The following MAGI2 variants were observed in gnomAD, a reference collection of about 807,000 sequenced individuals.
The protein encoded by MAGI2 is membrane associated guanylate kinase, WW and PDZ domain containing 2.
In MAGI2, 35 loss-of-function variants were observed where a neutral mutation model predicts 133.3. The observed-to-expected ratio is 0.26, with a 90% CI of 0.20 to 0.35. The LOEUF (loss-of-function observed/expected upper bound fraction) is 0.35, where lower values mean the gene tolerates loss of function less well. Among genes scored for constraint, MAGI2 ranks in the 10% least tolerant of loss-of-function variants. MAGI2 has a pLI of 1.00. For synonymous variants in MAGI2, 729 were observed against 710.6 expected, an observed-to-expected ratio of 1.03 and a Z score of -0.41; for missense variants, 1,636 against 1,863.4, an observed-to-expected ratio of 0.88 and a Z score of 2.25.
At chr7:78,349,249 T>C (rs566506569) in intron 7 of MAGI2, among the ~76,000 whole-genome samples, 1 of 152,354 alleles carries the variant, frequency 6.6e-6, no homozygotes, top group South Asian at 2.1e-4. Context: ...ATAGCTTTTC[T>C]TGTTAAATGA....
At chr7:78,638,931 A>C (rs963809083) in intron 2 of MAGI2, among the ~76,000 whole-genome samples, 4 of 152,190 alleles carry the variant, frequency 2.6e-5, no homozygotes, top group African/African-American at 9.6e-5. Context: ...GCTTAAGGAA[A>C]AGAAAGATCA....
At chr7:79,055,283 G>GT (rs1426765415) in intron 1 of MAGI2, among the ~76,000 whole-genome samples, 1 of 113,850 alleles carries the variant, frequency 8.8e-6, no homozygotes, top group Non-Finnish European at 1.7e-5. Context: ...GTAAGGGCAT[G>GT]CCTTTTTTTT....
intron 10 of MAGI2, among the ~76,000 whole-genome samples, chr7:78,204,721 GTATT>G (rs1271929028): frequency 6.6e-6 from 1 of 152,024 alleles, no homozygotes; most frequent in African/African-American, 2.4e-5. Context: ...AAATGCAAAT[GTATT>G]TATTTAATCT....
chr7:79,341,213 T>G (rs1449930709), intron 1 of MAGI2, among the ~76,000 whole-genome samples: 1 of 152,132 alleles, frequency 6.6e-6, no homozygotes, highest in Non-Finnish European at 1.5e-5. Flanking sequence ...GCAGTAATAC[T>G]CAGTGGAAAT....
At chr7:78,463,144 T>A (rs1790242100) in intron 6 of MAGI2, among the ~76,000 whole-genome samples, 1 of 152,204 alleles carries the variant, frequency 6.6e-6, no homozygotes, top group South Asian at 2.1e-4. Flanking sequence ...GCCTGTGGTG[T>A]GCTCTGAAAG....
chr7:79,326,938 G>A (rs1476346532), intron 1 of MAGI2, among the ~76,000 whole-genome samples: 2 of 152,164 alleles, frequency 1.3e-5, no homozygotes, highest in Non-Finnish European at 2.9e-5. Context: ...TCTGAGAGAA[G>A]ACGAAAGAAG....
At chr7:78,085,028 A>G (rs1368978222) in intron 20 of MAGI2, among the ~76,000 whole-genome samples, 1 of 152,174 alleles carries the variant, frequency 6.6e-6, no homozygotes, top group East Asian at 1.9e-4. Context: ...GGCTTTTGTT[A>G]TAAACTGTTA....
intron 3 of MAGI2, among the ~76,000 whole-genome samples, chr7:78,582,052 G>T (rs1802890996): frequency 1.3e-5 from 2 of 152,178 alleles, no homozygotes; most frequent in Non-Finnish European, 2.9e-5. Flanking sequence ...CAGAAAAGGG[G>T]TAAGGGGATG....
chr7:78,758,045 C>T (rs979811161), intron 2 of MAGI2, among the ~76,000 whole-genome samples: 1 of 152,152 alleles, frequency 6.6e-6, no homozygotes, highest in Non-Finnish European at 1.5e-5. Context: ...CTTCTCTTAA[C>T]ACTTGACTTA....
intron 1 of MAGI2, among the ~76,000 whole-genome samples, chr7:79,309,192 C>T (rs1271515052): frequency 6.6e-6 from 1 of 151,720 alleles, no homozygotes; most frequent in African/African-American, 2.4e-5. Context: ...TCTCTTTTAC[C>T]TAACAGTCTC....
chr7:78,745,119 ACTAT>A (rs995753772), intron 2 of MAGI2, among the ~76,000 whole-genome samples: 2 of 152,140 alleles, frequency 1.3e-5, no homozygotes, highest in African/African-American at 4.8e-5. Flanking sequence ...TACAACCCAG[ACTAT>A]CTGACTCCAG....
intron 9 of MAGI2, among the ~76,000 whole-genome samples, chr7:78,272,631 G>T (rs534503192): frequency 6.6e-6 from 1 of 152,014 alleles, no homozygotes; most frequent in East Asian, 1.9e-4. Flanking sequence ...CTCCTGTATC[G>T]GGTGCACATA....
At chr7:79,121,288 G>C (rs953036176) in intron 1 of MAGI2, among the ~76,000 whole-genome samples, 1 of 152,134 alleles carries the variant, frequency 6.6e-6, no homozygotes, top group African/African-American at 2.4e-5. Context: ...AACCCATTCA[G>C]TGAACTTTTG....
At chr7:78,509,397 G>A (rs6968852) in intron 4 of MAGI2, 19,894 of 152,022 alleles carry the variant, frequency 0.13, 1,427 homozygotes, top group Non-Finnish European at 0.14. Flanking sequence ...CTTTCATCTT[G>A]CCTGCCCTGA....
intron 1 of MAGI2, among the ~76,000 whole-genome samples, chr7:79,367,862 T>TGC (rs1842810271): frequency 9.6e-6 from 1 of 104,634 alleles, no homozygotes; most frequent in Non-Finnish European, 1.9e-5. Flanking sequence ...ATGTGACATA[T>TGC]ATATATATAT....
intron 2 of MAGI2, among the ~76,000 whole-genome samples, chr7:78,727,870 T>A (rs1820973285): frequency 6.6e-6 from 1 of 152,154 alleles, no homozygotes; most frequent in Admixed American, 6.5e-5. Context: ...GGGATACAGC[T>A]GAGAACAAAA....
intron 9 of MAGI2, 48 bp downstream of exon 9, chr7:78,343,730 G>GA (rs1012531239): frequency 2.2e-6 from 3 of 1,372,814 alleles, no homozygotes; most frequent in Non-Finnish European, 1.9e-6. Flanking sequence ...TTTGCCTTCA[G>GA]AAAAAAAGAT....
rs1167091480 is a variant in MAGI2 at position 79,255,145 on chromosome 7, ATACT to A, written c.301+197871_301+197874del. Among the ~76,000 whole-genome samples the A allele has an allele frequency of 4.6e-5, 7 of 152,304 alleles. No individual in the cohort carries two copies. The East Asian group carries it at 1.2e-3, about 25-fold the overall frequency. On this transcript the variant is annotated intron_variant, in intron 1 of 21. Transcript: ENST00000354212. ...ATAAACTTGTGATACTTTCATTATT[ATACT>A]TACTTACAAACACCCATATCCCATG... is the stretch of plus-strand genomic sequence containing the variant.
chr7:78,926,413 T>G (rs924597141), intron 2 of MAGI2, among the ~76,000 whole-genome samples: 2 of 151,984 alleles, frequency 1.3e-5, no homozygotes, highest in Non-Finnish European at 2.9e-5. Context: ...TTTGATTCAG[T>G]GCAAACAATG....
Sources: gnomAD v4.1 joint callset for allele counts (sites outside exome capture counted in the v4.1 genomes callset) on GRCh38, gnomAD v4.1.1 for gene constraint, MANE v1.5 for transcripts, NCBI Gene and HGNC (gene_info 2026-07-23, HGNC 2026-07-21) for gene names.